Variants in GALNT18 observed in about 807,000 individuals in gnomAD.
GALNT18 encodes the protein polypeptide N-acetylgalactosaminyltransferase 18.
In GALNT18, 44 loss-of-function variants were observed where a neutral mutation model predicts 69.5. The observed-to-expected ratio is 0.63, with a 90% CI of 0.50 to 0.81. The LOEUF is 0.81. Ranked by LOEUF, GALNT18 falls within the 40% of genes least tolerant of loss-of-function variation. GALNT18 has a pLI of 0.00. For missense variants in GALNT18, 715 were observed against 810.0 expected (o/e 0.88, Z 1.42); for synonymous variants, 364 against 318.2 (o/e 1.14, Z -1.53).
chr11:11,327,243 A>C, intron 8 of GALNT18, 62 bp from the exon 9 acceptor site: 1 of 1,205,834 alleles, frequency 8.3e-7, no homozygotes, highest in Non-Finnish European at 1.2e-6. Flanking sequence ...CAAATGAATT[A>C]ACTCTGGAGA....
In GALNT18 at chr11:11,500,881, G is replaced by A. The variant is rs929902610; in HGVS notation, c.236-51945C>T. 1.3e-5 allele frequency among the ~76,000 whole-genome samples: 2 copies of A among 152,192 alleles called. No homozygotes were observed. The highest frequency in any genetic ancestry group is 2.9e-5 in the Non-Finnish European group (2 of 68,028). ...CTTTCCTTCCCTGTCTTTTTGCAGA[G>A]CCGTGCTGAGCGGGCAGCCAGGTGC... On this transcript the variant is annotated intron_variant, in intron 1 of 10. Transcript: ENST00000227756. The surrounding 1 kb of genome is among the most constrained non-coding windows in gnomAD (Gnocchi z 5.0).
chr11:11,411,317 C>T (rs569270992), intron 3 of GALNT18, among the ~76,000 whole-genome samples: 18 of 152,224 alleles, frequency 1.2e-4, no homozygotes, highest in South Asian at 6.2e-4. Flanking sequence ...TGTCTACACA[C>T]GAGGAGTGAT....
At chr11:11,354,045 T>C (rs1458198564) in intron 6 of GALNT18, among the ~76,000 whole-genome samples, 1 of 152,196 alleles carries the variant, frequency 6.6e-6, no homozygotes. Flanking sequence ...ATGATATTTG[T>C]TCTAAAGAGC....
chr11:11,537,941 C>A (rs1264588240), intron 1 of GALNT18, among the ~76,000 whole-genome samples: 1 of 152,118 alleles, frequency 6.6e-6, no homozygotes, highest in Non-Finnish European at 1.5e-5. Flanking sequence ...TGAGTTACAG[C>A]CCAGCCCAGT....
intron 2 of GALNT18, among the ~76,000 whole-genome samples, chr11:11,434,207 A>G (rs1392640275): frequency 6.6e-6 from 1 of 152,120 alleles, no homozygotes; most frequent in Non-Finnish European, 1.5e-5. Context: ...TTCCCATTCT[A>G]TTTCCAGCTC....
At chr11:11,342,740 G>A (rs150627759) in intron 6 of GALNT18, among the ~76,000 whole-genome samples, 1 of 152,308 alleles carries the variant, frequency 6.6e-6, no homozygotes, top group African/African-American at 2.4e-5. Flanking sequence ...GTTATGAACA[G>A]GGCTGGCCAT....
intron 1 of GALNT18, among the ~76,000 whole-genome samples, chr11:11,535,279 C>A (rs987281486): frequency 1.3e-5 from 2 of 152,226 alleles, no homozygotes; most frequent in African/African-American, 4.8e-5. Context: ...AATGAGCAGA[C>A]ATGGTGACCC....
chr11:11,350,181 C>T (rs1323425871), intron 6 of GALNT18, among the ~76,000 whole-genome samples: 1 of 152,198 alleles, frequency 6.6e-6, no homozygotes, highest in Non-Finnish European at 1.5e-5. Flanking sequence ...GAAACAGCTG[C>T]TTACCCACAG....
rs1178000918 is a variant in GALNT18 at position 11,358,603 on chromosome 11, C to T, written c.1092+13912G>A. The stretch of plus-strand genomic sequence containing the variant: ...AGGCTTTGGGTCATTGGGAAAATTC[C>T]CTTTGGAAGCACAAAGGCCTGCAAG... On this transcript the variant is annotated intron_variant, in intron 6 of 10. Coordinates refer to ENST00000227756, the MANE Select transcript of GALNT18 (RefSeq NM_198516.3). 7.2e-5 allele frequency among the ~76,000 whole-genome samples: 10 copies of T among 139,852 alleles called. 2 individuals are homozygous for T. Among genetic ancestry groups the T allele is most frequent in the African/African-American group, 2.4e-4 (9 of 37,826 alleles). 91.7% of individuals were successfully genotyped at this position (139,852 alleles called of 152,430 possible).
intron 1 of GALNT18, among the ~76,000 whole-genome samples, chr11:11,453,430 C>T (rs1447641102): frequency 1.3e-5 from 2 of 152,212 alleles, no homozygotes; most frequent in Non-Finnish European, 2.9e-5. Flanking sequence ...CATTTCCCTG[C>T]ACATCCTCCT....
chr11:11,429,691 C>A (rs1855222442), intron 3 of GALNT18, among the ~76,000 whole-genome samples: 1 of 152,196 alleles, frequency 6.6e-6, no homozygotes, highest in Admixed American at 6.5e-5. Flanking sequence ...CAGTTATCAT[C>A]CATGGTGGAG....
In GALNT18 at chr11:11,350,658, T is replaced by C. The variant is rs548818706; in HGVS notation, c.1093-9654A>G. Among the ~76,000 whole-genome samples, 28 of 152,214 alleles carry C rather than the reference T, an allele frequency of 1.8e-4. No individual in the cohort carries two copies. The South Asian group carries it at 5.2e-3, about 28-fold the overall frequency. On this transcript the variant is annotated intron_variant, in intron 6 of 10. Coordinates refer to ENST00000227756, the MANE Select transcript of GALNT18 (RefSeq NM_198516.3). ...TTGCAGTCAGGAGGGTGCAAATCGA[T>C]GAGATGAGAGAGGACATGGCCTCTG...
At chr11:11,489,964 G>A (rs1413094869) in intron 1 of GALNT18, among the ~76,000 whole-genome samples, 1 of 152,106 alleles carries the variant, frequency 6.6e-6, no homozygotes, top group African/African-American at 2.4e-5. Flanking sequence ...CTCACAACAT[G>A]GCTGCCATGG....
Position 11,272,282 on chromosome 11 carries a change from TTG to T in GALNT18, c.1678-994_1678-993del, listed in dbSNP as rs1589993364. ...TCAAGTCCTGGCAATTCTACCTCTC[TTG>T]TGTCATGTGACTGTCCCCTTATCCC... is the stretch of plus-strand genomic sequence containing the variant. On this transcript the variant is annotated intron_variant, in intron 10 of 10. Coordinates refer to ENST00000227756, the MANE Select transcript of GALNT18 (RefSeq NM_198516.3). 2.6e-5 allele frequency among the ~76,000 whole-genome samples: 4 copies of T among 152,360 alleles called. No individual in the cohort carries two copies. In the East Asian group the frequency reaches 7.7e-4, roughly 29 times the overall value.
intron 9 of GALNT18, among the ~76,000 whole-genome samples, chr11:11,312,863 C>G (rs575829077): frequency 1.3e-5 from 2 of 152,102 alleles, no homozygotes; most frequent in Non-Finnish European, 2.9e-5. Context: ...CTGTGCCAGG[C>G]GGTGCACTAG....
intron 1 of GALNT18, among the ~76,000 whole-genome samples, chr11:11,530,588 G>A (rs1223624940): frequency 1.3e-5 from 2 of 152,198 alleles, no homozygotes; most frequent in Non-Finnish European, 2.9e-5. Context: ...AGGAAAGGCA[G>A]GCAAAAGACT....
At chr11:11,575,090 T>C (rs79021597) in intron 1 of GALNT18, among the ~76,000 whole-genome samples, 17,847 of 152,190 alleles carry the variant, frequency 0.12, 1,707 homozygotes, top group African/African-American at 0.25. Context: ...TAAGCCAGTC[T>C]AGAGCTTCCA....
rs528594506 is a variant in GALNT18, at chr11:11,480,232, C to A, written c.236-31296G>T. 1.3e-4 allele frequency among the ~76,000 whole-genome samples: 20 copies of A among 152,162 alleles called. 2 individuals are homozygous for A. The highest frequency in any genetic ancestry group is 3.6e-4 in the African/African-American group (15 of 41,476). On this transcript the variant is annotated intron_variant, in intron 1 of 10. Coordinates refer to ENST00000227756, the MANE Select transcript of GALNT18 (RefSeq NM_198516.3). This position sits in a 1 kb window ranked among gnomAD's most constrained non-coding sequence, Gnocchi z 4.6. ...AGAAGGGGTCAATCTTTCTTTATTTCTTTCTTTCTTCCTTCCTTCCTCTCT... is the reference window on the plus strand; with the variant it reads ...AGAAGGGGTCAATCTTTCTTTATTTATTTCTTTCTTCCTTCCTTCCTCTCT...
chr11:11,437,454 A>G (rs1192965087), intron 2 of GALNT18, among the ~76,000 whole-genome samples: 1 of 152,104 alleles, frequency 6.6e-6, no homozygotes, highest in Non-Finnish European at 1.5e-5. Context: ...GATGGGGAGC[A>G]ACAACTTAGG....
Sources: gnomAD v4.1 joint callset for allele counts (sites outside exome capture counted in the v4.1 genomes callset) on GRCh38, gnomAD v4.1.1 for gene constraint, Gnocchi (gnomAD v3.1) non-coding constraint, MANE v1.5 for transcripts, NCBI Gene and HGNC (gene_info 2026-07-23, HGNC 2026-07-21) for gene names.